LRP5: variants seen among roughly 807,000 people sequenced by gnomAD.
The protein encoded by LRP5 is low-density lipoprotein receptor-related protein 5.
A neutral mutation model predicts 154.1 loss-of-function variants in LRP5; 62 were observed. The ratio of observed to expected loss-of-function variants is 0.40; its 90% CI spans 0.33 to 0.50. The LOEUF is 0.50. Ranked by LOEUF, LRP5 falls within the 20% of genes least tolerant of loss-of-function variation. The probability of loss-of-function intolerance (pLI) is 0.55; values close to 1 mark genes in which losing one functional copy is unlikely to be tolerated. For synonymous variants in LRP5, 966 were observed against 1,011.5 expected (o/e 0.96, Z 0.85); for missense variants, 1,915 against 2,336.7 (o/e 0.82, Z 3.72).
chr11:68,328,420 C>A (rs1252674809), intron 1 of LRP5, among the ~76,000 whole-genome samples: 1 of 152,166 alleles, frequency 6.6e-6, no homozygotes, highest in African/African-American at 2.4e-5. Context: ...TCTTTTCTGC[C>A]AGTTCTAAAA....
chr11:68,372,071 G>A (rs2098634325), intron 5 of LRP5, among the ~76,000 whole-genome samples: 1 of 152,258 alleles, frequency 6.6e-6, no homozygotes, highest in African/African-American at 2.4e-5. Flanking sequence ...GGCTGTGCTG[G>A]TGGGACTTGT....
chr11:68,375,037 G>A (rs2098636576), intron 5 of LRP5, among the ~76,000 whole-genome samples: 1 of 152,224 alleles, frequency 6.6e-6, no homozygotes, highest in South Asian at 2.1e-4. Flanking sequence ...GACCAGCTCC[G>A]CAGCTCCAAC....
intron 16 of LRP5, among the ~76,000 whole-genome samples, chr11:68,427,320 T>C (rs1382244111): frequency 6.6e-6 from 1 of 152,044 alleles, no homozygotes; most frequent in Non-Finnish European, 1.5e-5. Flanking sequence ...ATGGTAACCA[T>C]CTGAGGATTA....
Position 68,423,514 on chromosome 11 carries a change from A to G in LRP5, c.3053A>G (p.Gln1018Arg), listed in dbSNP as rs373483389. ...TQPFVLTSLS[Q>R]GQNPDRQPHD... The stretch of plus-strand genomic sequence containing the variant: ...CCCTTTGTTTTGACCTCTCTGAGCC[A>G]AGGCCAAAACCCAGACAGGCAGCCC... The change falls in exon 14 of 23, where the codon CAA becomes CGA. Residue 1018 changes from glutamine (Q) to arginine (R), a missense_variant. By Grantham distance (43) the Gln-to-Arg change is conservative. This residue lies in a region of LRP5 where 1,094 missense variants were observed against 1,210.1 expected (regional missense o/e 0.90). Coordinates refer to ENST00000294304, the MANE Select transcript of LRP5 (RefSeq NM_002335.4). The surrounding 1 kb of genome is among the most constrained non-coding windows in gnomAD (Gnocchi z 4.7). 4.3e-6 allele frequency: 7 copies of G among 1,614,174 alleles called. No individual in the cohort carries two copies. The highest frequency in any genetic ancestry group is 5.9e-6 in the Non-Finnish European group (7 of 1,180,010).
chr11:68,308,291 G>C (rs113772869), upstream of LRP5, among the ~76,000 whole-genome samples: 4 of 152,278 alleles, frequency 2.6e-5, no homozygotes, highest in African/African-American at 9.6e-5. Flanking sequence ...ACTTCACAGA[G>C]CCAGCACGTT....
At position 68,416,266 on chromosome 11, in the gene LRP5, G is replaced by A. The variant is rs17848245; in HGVS notation, c.2828-62G>A. On this transcript the variant is annotated intron_variant, in intron 12 of 22. Coordinates refer to ENST00000294304, the MANE Select transcript of LRP5 (RefSeq NM_002335.4). ...CTGTTGTCGAGTGGCGTGCTATCCC[G>A]TCCTCCAGCTCCTCTGTGGCTTACA... The A allele has an allele frequency of 5.0e-4, 726 of 1,462,390 alleles. 3 individuals carry two copies. The East Asian group carries it at 0.012, about 25-fold the overall frequency. 90.6% of individuals were successfully genotyped at this position (1,462,390 alleles called of 1,614,324 possible). A position where few individuals can be genotyped will look rare whatever the true frequency, so the allele number is the denominator to read the frequency against.
intron 13 of LRP5, among the ~76,000 whole-genome samples, chr11:68,422,551 C>T (rs915119107): frequency 1.3e-5 from 2 of 152,190 alleles, no homozygotes; most frequent in Non-Finnish European, 2.9e-5. Flanking sequence ...GATGCTGTGT[C>T]GGAGGCCCCA....
At position 68,431,231 on chromosome 11, in the gene LRP5, CTTTT is replaced by C. The variant is rs34840282; in HGVS notation, c.3763+1553_3763+1556del. 1.8e-3 allele frequency among the ~76,000 whole-genome samples: 170 copies of C among 92,970 alleles called. 1 individual carries two copies. Among genetic ancestry groups the C allele is most frequent in the Non-Finnish European group, 2.7e-3 (134 of 49,302 alleles). The allele number at this position is 92,970 out of a possible 152,430, so 61.0% of individuals were successfully genotyped here. ...CAGCAGCACACACTGGCTGTGCACC[CTTTT>C]TTTTTTTTTTTTTTTTTTTTTGAGA... On this transcript the variant is annotated intron_variant, in intron 17 of 22. Transcript: ENST00000294304.
intron 1 of LRP5, among the ~76,000 whole-genome samples, chr11:68,343,045 C>T (rs758511614): frequency 2.5e-4 from 38 of 152,218 alleles, no homozygotes; most frequent in Admixed American, 5.9e-4. Context: ...CCCGGGTTCC[C>T]CTCCTGCCTG....
chr11:68,396,533 T>G (rs1432336451), intron 7 of LRP5, among the ~76,000 whole-genome samples: 1 of 152,184 alleles, frequency 6.6e-6, no homozygotes, highest in Non-Finnish European at 1.5e-5. Flanking sequence ...GGCTGATCCC[T>G]TGATGAATTG....
chr11:68,418,788 T>C (rs2098663973), intron 13 of LRP5, among the ~76,000 whole-genome samples: 1 of 152,206 alleles, frequency 6.6e-6, no homozygotes, highest in Non-Finnish European at 1.5e-5. Context: ...GTGTGGGTGG[T>C]GGAAATGGAT....
intron 6 of LRP5, among the ~76,000 whole-genome samples, chr11:68,388,031 G>GGCAGCAGGCAGCGGGAGT (rs983645907): frequency 6.6e-6 from 1 of 152,124 alleles, no homozygotes; most frequent in Non-Finnish European, 1.5e-5. Context: ...CAGCATGTCA[G>GGCAGCAGGCAGCGGGAGT]GCAGCAGGCA....
intron 4 of LRP5, 122 bp from the exon 5 acceptor site, chr11:68,365,449 G>A (rs557542379): frequency 3.0e-4 from 428 of 1,450,152 alleles, no homozygotes; most frequent in Non-Finnish European, 3.3e-4. Flanking sequence ...ACTTGAGGCC[G>A]ATGTTTGGGC....
At chr11:68,370,370 A>G (rs1157428813) in intron 5 of LRP5, among the ~76,000 whole-genome samples, 1 of 151,976 alleles carries the variant, frequency 6.6e-6, no homozygotes, top group African/African-American at 2.4e-5. Flanking sequence ...AGGGGGGGAC[A>G]GGCCCTGTGG....
chr11:68,414,670 G>A lies in LRP5; in HGVS notation c.2827+658G>A, dbSNP rs574514150. Among the ~76,000 whole-genome samples the A allele has an allele frequency of 4.5e-4, 69 of 152,172 alleles. 2 individuals carry two copies. The highest frequency in any genetic ancestry group is 3.7e-3 in the Admixed American group (56 of 15,278). ...GCTCTTCCCCCATGACATCAGCAGC[G>A]AGCTGGTTATGATTCCCTACGCAGA... On this transcript the variant is annotated intron_variant, in intron 12 of 22. Coordinates refer to ENST00000294304, the MANE Select transcript of LRP5 (RefSeq NM_002335.4).
chr11:68,350,415 C>T (rs1053875198), intron 2 of LRP5, among the ~76,000 whole-genome samples: 1 of 152,254 alleles, frequency 6.6e-6, no homozygotes. Context: ...CCCGCCTGCC[C>T]TCCTCCCTGA....
intron 5 of LRP5, among the ~76,000 whole-genome samples, chr11:68,369,013 T>C (rs2098632640): frequency 6.6e-6 from 1 of 152,136 alleles, no homozygotes; most frequent in Admixed American, 6.5e-5. Context: ...AATTTTTGTA[T>C]GTTTAGTAGA....
intron 5 of LRP5, among the ~76,000 whole-genome samples, chr11:68,380,273 A>G (rs536452513): frequency 6.6e-6 from 1 of 152,322 alleles, no homozygotes; most frequent in South Asian, 2.1e-4. Context: ...CAGGAGAATA[A>G]TGTTTTGGGA....
At chr11:68,388,198 G>C (rs2098644076) in intron 6 of LRP5, among the ~76,000 whole-genome samples, 1 of 152,132 alleles carries the variant, frequency 6.6e-6, no homozygotes, top group Non-Finnish European at 1.5e-5. Flanking sequence ...ATGAGGGTAA[G>C]AAGTGGGGTC....
Sources: allele counts gnomAD v4.1 joint callset (sites outside exome capture counted in the v4.1 genomes callset), GRCh38; gene constraint gnomAD v4.1.1; regional missense constraint gnomAD v4.1.1; non-coding constraint Gnocchi (gnomAD v3.1); transcripts MANE v1.5; gene names NCBI Gene and HGNC (gene_info 2026-07-23, HGNC 2026-07-21).